The following CACNG2 variants were observed in gnomAD, a reference collection of about 807,000 sequenced individuals.
The protein encoded by CACNG2 is calcium voltage-gated channel auxiliary subunit gamma 2.
Under a neutral mutation model 25.9 loss-of-function variants are expected in CACNG2, and 3 were observed. That is an observed-to-expected ratio of 0.12 (90% CI 0.05 to 0.30). The LOEUF is 0.30. Among genes scored for constraint, CACNG2 ranks in the 10% least tolerant of loss-of-function variants. The probability of loss-of-function intolerance (pLI) is 1.00; values close to 1 mark genes in which losing one functional copy is unlikely to be tolerated. For synonymous variants in CACNG2, 167 were observed against 173.3 expected, an observed-to-expected ratio of 0.96 and a Z score of 0.29; for missense variants, 341 against 432.5, an observed-to-expected ratio of 0.79 and a Z score of 1.88.
intron 1 of CACNG2, among the ~76,000 whole-genome samples, chr22:36,620,266 A>G (rs1290084379): frequency 1.3e-5 from 2 of 152,196 alleles, no homozygotes; most frequent in African/African-American, 4.8e-5. Context: ...TTGCAGAGGG[A>G]AAGTGGCTCA....
intron 1 of CACNG2, among the ~76,000 whole-genome samples, chr22:36,673,041 C>T (rs192327904): frequency 1.1e-4 from 17 of 152,306 alleles, no homozygotes; most frequent in Admixed American, 9.8e-4. Flanking sequence ...GCCTGGGCAA[C>T]AAGGCAAAAC....
At chr22:36,661,449 A>G (rs1181077041) in intron 1 of CACNG2, among the ~76,000 whole-genome samples, 2 of 152,104 alleles carry the variant, frequency 1.3e-5, no homozygotes, top group African/African-American at 4.8e-5. Flanking sequence ...GCTTATGGGA[A>G]TGGGATGTCA....
intron 1 of CACNG2, among the ~76,000 whole-genome samples, chr22:36,681,314 G>T (rs1037358645): frequency 6.6e-6 from 1 of 152,170 alleles, no homozygotes; most frequent in Non-Finnish European, 1.5e-5. Flanking sequence ...TTTCCTACCT[G>T]GTGATAGCAT....
intron 1 of CACNG2, among the ~76,000 whole-genome samples, chr22:36,651,224 C>CTTTTTTTTTTTTTTTTT (rs11411019): frequency 4.8e-5 from 4 of 83,112 alleles, no homozygotes; most frequent in Non-Finnish European, 6.5e-5. Flanking sequence ...CTTCTTCCTC[C>CTTTTTTTTTTTTTTTTT]TTTTTTTTTT....
chr22:36,644,451 G>T (rs561456288), intron 1 of CACNG2, among the ~76,000 whole-genome samples: 1 of 152,114 alleles, frequency 6.6e-6, no homozygotes, highest in Non-Finnish European at 1.5e-5. Flanking sequence ...AAGCAAGTGG[G>T]GCTTATTTTT....
chr22:36,700,393 G>A (rs1007050893), intron 1 of CACNG2, among the ~76,000 whole-genome samples: 5 of 152,174 alleles, frequency 3.3e-5, no homozygotes, highest in Non-Finnish European at 1.5e-5. Context: ...TAAGAATTTG[G>A]AAATAAAACA....
At chr22:36,624,722 C>T (rs1936157256) in intron 1 of CACNG2, among the ~76,000 whole-genome samples, 1 of 152,170 alleles carries the variant, frequency 6.6e-6, no homozygotes, top group Middle Eastern at 3.4e-3. Context: ...GGGTGAGAGA[C>T]CCTCTTGATC....
intron 1 of CACNG2, among the ~76,000 whole-genome samples, chr22:36,625,230 G>A (rs1936167826): frequency 6.6e-6 from 1 of 152,138 alleles, no homozygotes; most frequent in Non-Finnish European, 1.5e-5. Flanking sequence ...ACGCTGGATA[G>A]AGAGTCTGAA....
At chr22:36,620,125 C>G (rs1198700050) in intron 1 of CACNG2, among the ~76,000 whole-genome samples, 1 of 152,228 alleles carries the variant, frequency 6.6e-6, no homozygotes, top group Admixed American at 6.5e-5. Context: ...ACTGCTGAGT[C>G]TAGGAAGGAC....
chr22:36,607,168 G>A lies in CACNG2; in HGVS notation c.212-19620C>T, dbSNP rs768853703. On this transcript the variant is annotated intron_variant, in intron 1 of 3. Transcript: ENST00000300105. Reference sequence around the variant, plus strand: ...AGCCATGGGCCCAGATTCCTCCATCGGGTGAAAAATGCTTGTGGCCTTTCC... The same window carrying A: ...AGCCATGGGCCCAGATTCCTCCATCAGGTGAAAAATGCTTGTGGCCTTTCC... 1.1e-4 allele frequency among the ~76,000 whole-genome samples: 17 copies of A among 152,214 alleles called. 1 individual carries two copies. The South Asian group carries it at 2.3e-3, about 20-fold the overall frequency.
rs1315522981 is a variant in CACNG2, at chr22:36,563,772, C to T, written c.*579G>A. On this transcript the variant is annotated 3_prime_UTR_variant, in exon 4 of 4. Coordinates refer to ENST00000300105, the MANE Select transcript of CACNG2 (RefSeq NM_006078.5). ...ACCTGGCCCCAGGGCCCCTGAGTCTCGCCCCCCAATCTCCCAGGGAGGCAG... is the reference window on the plus strand; with the variant it reads ...ACCTGGCCCCAGGGCCCCTGAGTCTTGCCCCCCAATCTCCCAGGGAGGCAG... 6.6e-6 allele frequency: 1 copy of T among 151,374 alleles called. No individual in the cohort carries two copies. Among genetic ancestry groups the T allele is most frequent in the Non-Finnish European group, 1.5e-5 (1 of 67,862 alleles). The allele number at this position is 151,374 out of a possible 1,614,324, so 9.4% of individuals were successfully genotyped here.
intron 1 of CACNG2, among the ~76,000 whole-genome samples, chr22:36,599,123 A>C (rs2145930432): frequency 6.6e-6 from 1 of 152,372 alleles, no homozygotes; most frequent in South Asian, 2.1e-4. Context: ...TAACAACAAC[A>C]AACTTGGAAT....
Position 36,606,904 on chromosome 22 carries a change from GTGTA to G in CACNG2, c.212-19360_212-19357del, listed in dbSNP as rs1275239113. Among the ~76,000 whole-genome samples, 2 of 151,710 alleles carry G rather than the reference GTGTA, an allele frequency of 1.3e-5. No individual in the cohort carries two copies. Among genetic ancestry groups the G allele is most frequent in the Non-Finnish European group, 2.9e-5 (2 of 67,904 alleles). Reference sequence around the variant, plus strand: ...GAGTCTGTGTGTGTGTCTGTGGTGTGTGTATGCATGTGTGTGTATATGTGTGTAT... The same window carrying G: ...GAGTCTGTGTGTGTGTCTGTGGTGTGTGCATGTGTGTGTATATGTGTGTAT... On this transcript the variant is annotated intron_variant, in intron 1 of 3. Transcript: ENST00000300105. This position sits in a 1 kb window ranked among gnomAD's most constrained non-coding sequence, Gnocchi z 5.7.
At chr22:36,672,774 C>T (rs532207059) in intron 1 of CACNG2, among the ~76,000 whole-genome samples, 1 of 152,362 alleles carries the variant, frequency 6.6e-6, no homozygotes, top group African/African-American at 2.4e-5. Flanking sequence ...CACTGAATCC[C>T]ATTCCGTACT....
chr22:36,561,189 A>T lies in CACNG2; in HGVS notation c.*3162T>A, dbSNP rs913124417. 1 of 152,268 alleles carries T rather than the reference A, an allele frequency of 6.6e-6. No homozygotes were observed. Among genetic ancestry groups the T allele is most frequent in the African/African-American group, 2.4e-5 (1 of 41,450 alleles). The allele number at this position is 152,268 out of a possible 1,614,324, so 9.4% of individuals were successfully genotyped here. On this transcript the variant is annotated 3_prime_UTR_variant, in exon 4 of 4. Transcript: ENST00000300105. ...ACCCAGGCCTTGCGCCATGGAAAGA[A>T]GCACTGATCGCCTTCCCAGACGCTC...
At chr22:36,664,446 CT>C (rs1320501694) in intron 1 of CACNG2, among the ~76,000 whole-genome samples, 1 of 152,206 alleles carries the variant, frequency 6.6e-6, no homozygotes, top group African/African-American at 2.4e-5. Context: ...GAGAGCGTCC[CT>C]GGGTGCCAGG....
At chr22:36,655,971 T>C (rs1936700301) in intron 1 of CACNG2, among the ~76,000 whole-genome samples, 1 of 151,686 alleles carries the variant, frequency 6.6e-6, no homozygotes. Flanking sequence ...CCACGCCCAG[T>C]TAATTTTTGT....
chr22:36,702,706 G>A lies in CACNG2; in HGVS notation c.-130C>T, dbSNP rs995640948. On this transcript the variant is annotated 5_prime_UTR_variant, in exon 1 of 4. Transcript: ENST00000300105. ...TCCACTACTAATATAATGGATATAT[G>A]TATGAATAGAGAATATGGAGAGTTA... The A allele has an allele frequency of 7.1e-5, 49 of 687,322 alleles. No homozygotes were observed. The highest frequency in any genetic ancestry group is 1.4e-4 in the Admixed American group (6 of 42,534). 42.6% of individuals were successfully genotyped at this position (687,322 alleles called of 1,614,324 possible).
intron 1 of CACNG2, among the ~76,000 whole-genome samples, chr22:36,656,819 A>G (rs1409367398): frequency 6.6e-6 from 1 of 152,180 alleles, no homozygotes; most frequent in Non-Finnish European, 1.5e-5. Flanking sequence ...GAGGCGTCCT[A>G]GACTTCCCCA....
Sources: gnomAD v4.1 joint callset for allele counts (sites outside exome capture counted in the v4.1 genomes callset) on GRCh38, gnomAD v4.1.1 for gene constraint, Gnocchi (gnomAD v3.1) non-coding constraint, MANE v1.5 for transcripts, NCBI Gene and HGNC (gene_info 2026-07-23, HGNC 2026-07-21) for gene names.